PARM1: variants seen among roughly 807,000 people sequenced by gnomAD.
The protein encoded by PARM1 is prostate androgen-regulated mucin-like protein 1, also known as WSC4, cell wall integrity and stress response component 4 homolog.
PARM1 carries 14 observed loss-of-function variants against 24.6 expected under a neutral mutation model. The ratio of observed to expected loss-of-function variants is 0.57; its 90% confidence interval spans 0.38 to 0.89. The LOEUF is 0.89. Ranked by LOEUF, PARM1 falls within the 40% of genes least tolerant of loss-of-function variation. PARM1 has a pLI of 0.00. For synonymous variants in PARM1, 179 were observed against 156.6 expected (o/e 1.14, Z -1.07); for missense variants, 362 against 380.4 (o/e 0.95, Z 0.40).
chr4:74,996,502 G>T (rs1280692195), intron 1 of PARM1, among the ~76,000 whole-genome samples: 1 of 152,176 alleles, frequency 6.6e-6, no homozygotes, highest in African/African-American at 2.4e-5. Context: ...AGTGGGCAGT[G>T]GGGAGTTGCT....
chr4:74,935,046 G>A (rs1244995057), intron 1 of PARM1, among the ~76,000 whole-genome samples: 2 of 120,428 alleles, frequency 1.7e-5, no homozygotes, highest in East Asian at 5.5e-4. Flanking sequence ...GTTTAGCTCC[G>A]CTATTCCGGG....
chr4:74,955,232 GAAAA>G (rs957577775), intron 1 of PARM1, among the ~76,000 whole-genome samples: 2 of 140,176 alleles, frequency 1.4e-5, no homozygotes, highest in African/African-American at 5.1e-5. Flanking sequence ...TTTGAAAAAT[GAAAA>G]AAAAAAAACT....
chr4:74,969,986 A>T lies in PARM1; in HGVS notation c.43+36616A>T, dbSNP rs1721992935. 2.0e-5 allele frequency: 3 copies of T among 152,210 alleles called. No homozygotes were observed. In the South Asian group the frequency reaches 6.2e-4, roughly 32 times the overall value. The allele number at this position is 152,210 out of a possible 1,614,324, so 9.4% of individuals were successfully genotyped here. ...GGATGCAACCTTTTGTTATTGTCTA[A>T]GTCACTGGCAGATTTAAAAATCACA... is the stretch of plus-strand genomic sequence containing the variant. On this transcript the variant is annotated intron_variant, in intron 1 of 3. Transcript: ENST00000307428.
chr4:74,979,139 C>T (rs536411130), intron 1 of PARM1, among the ~76,000 whole-genome samples: 2 of 151,282 alleles, frequency 1.3e-5, no homozygotes, highest in Non-Finnish European at 3.0e-5. Flanking sequence ...GAGACGCACA[C>T]ACACACACAA....
chr4:75,036,253 G>A (rs1015501221), intron 3 of PARM1, among the ~76,000 whole-genome samples: 2 of 152,172 alleles, frequency 1.3e-5, no homozygotes, highest in African/African-American at 4.8e-5. Context: ...ATAACTGGAA[G>A]GACTCTTCCT....
chr4:75,048,802 C>T lies in PARM1; in HGVS notation c.*2555C>T, dbSNP rs17000149. ...GCAGATATATTCAGCAAGGTGACAG[C>T]TTCCCATAACAATTCTAACACTTCT... On this transcript the variant is annotated 3_prime_UTR_variant, in exon 4 of 4. Coordinates refer to ENST00000307428, the MANE Select transcript of PARM1 (RefSeq NM_015393.4). 20,894 of 152,632 alleles carry T rather than the reference C, an allele frequency of 0.14. 2,068 individuals carry two copies. Among genetic ancestry groups the T allele is most frequent in the African/African-American group, 0.28 (11,486 of 41,496 alleles). The allele number at this position is 152,632 out of a possible 1,614,324, so 9.5% of individuals were successfully genotyped here. A position where few individuals can be genotyped will look rare whatever the true frequency, so the allele number is the denominator to read the frequency against.
At chr4:74,996,800 AAGG>A (rs1195851992) in intron 1 of PARM1, among the ~76,000 whole-genome samples, 1 of 152,164 alleles carries the variant, frequency 6.6e-6, no homozygotes, top group African/African-American at 2.4e-5. Flanking sequence ...CACACATAGA[AAGG>A]AGAATTAATT....
At chr4:74,964,549 C>G (rs1578030825) in intron 1 of PARM1, among the ~76,000 whole-genome samples, 1 of 130,764 alleles carries the variant, frequency 7.6e-6, no homozygotes, top group African/African-American at 3.6e-5. Context: ...CCACACCTGG[C>G]AAAGCACACA....
Position 75,012,582 on chromosome 4 carries a change from A to C in PARM1, c.201A>C (p.Pro67=). The C allele has an allele frequency of 8.1e-6, 13 of 1,613,986 alleles. No homozygotes were observed. Among genetic ancestry groups the C allele is most frequent in the Non-Finnish European group, 1.1e-5 (13 of 1,179,896 alleles). The change falls in exon 2 of 4, where the codon CCA becomes CCC. Residue 67 remains proline, a synonymous_variant. Coordinates refer to ENST00000307428, the MANE Select transcript of PARM1 (RefSeq NM_015393.4). ...GCACTCACAACAACTCGGTGCTCCC[A>C]GTTACAGCATCAGCCCCAACATCTC... ...SNGTHNNSVL[P]VTASAPTSLL... is the part of the protein sequence containing the mutation.
At chr4:74,997,435 A>C (rs1722596130) in intron 1 of PARM1, among the ~76,000 whole-genome samples, 1 of 152,222 alleles carries the variant, frequency 6.6e-6, no homozygotes, top group African/African-American at 2.4e-5. Flanking sequence ...TTATAGGAGT[A>C]GGATCCTCCT....
chr4:74,978,276 T>C (rs1722175523), intron 1 of PARM1, among the ~76,000 whole-genome samples: 1 of 152,164 alleles, frequency 6.6e-6, no homozygotes, highest in Non-Finnish European at 1.5e-5. Context: ...GAGGAAAATT[T>C]ACCAAGCACA....
chr4:74,938,671 T>C (rs996100999), intron 1 of PARM1, among the ~76,000 whole-genome samples: 2 of 152,196 alleles, frequency 1.3e-5, no homozygotes, highest in East Asian at 3.8e-4. Context: ...TTTCTTTTTT[T>C]AGTTACAGCT....
At position 75,012,425 on chromosome 4, in the gene PARM1, G is replaced by A; in HGVS notation, c.44G>A (p.Gly15Glu). ...TLFALCILTA[G>E]WRVQSLPTSA... is the part of the protein sequence containing the mutation. ...CACTTTTGTACTGGCTTTTCCACAG[G>A]ATGGAGGGTACAGAGTCTGCCTACA... The change falls in exon 2 of 4, where the codon GGA (glycine) becomes GAA (glutamate). Residue 15 changes from glycine to glutamate, a missense_variant and splice_region_variant. Physicochemically the swap from Gly to Glu is moderately conservative, Grantham distance 98. Coordinates refer to ENST00000307428, the MANE Select transcript of PARM1 (RefSeq NM_015393.4). 1 of 1,612,576 alleles carries A rather than the reference G, an allele frequency of 6.2e-7. No homozygotes were observed. The highest frequency in any genetic ancestry group is 8.5e-7 in the Non-Finnish European group (1 of 1,178,798).
chr4:74,984,132 A>G (rs1485840379), intron 1 of PARM1, among the ~76,000 whole-genome samples: 3 of 152,192 alleles, frequency 2.0e-5, no homozygotes, highest in Non-Finnish European at 4.4e-5. Flanking sequence ...AGTGTGACTT[A>G]TCTCCTGTCC....
At position 74,952,719 on chromosome 4, in the gene PARM1, A is replaced by G. The variant is rs1384725096; in HGVS notation, c.43+19349A>G. ...TGTAAGTATTACTGGATATGAGAAC[A>G]TAAGAAGTCAGATGAATCTTTCACT... On this transcript the variant is annotated intron_variant, in intron 1 of 3. Coordinates refer to ENST00000307428, the MANE Select transcript of PARM1 (RefSeq NM_015393.4). Among the ~76,000 whole-genome samples, 4 of 152,356 alleles carry G rather than the reference A, an allele frequency of 2.6e-5. No individual in the cohort carries two copies. In the East Asian group the frequency reaches 5.8e-4, roughly 22 times the overall value.
chr4:74,934,167 C>T (rs1462370614), intron 1 of PARM1, among the ~76,000 whole-genome samples: 3 of 152,114 alleles, frequency 2.0e-5, no homozygotes, highest in Non-Finnish European at 2.9e-5. Context: ...GATGACTGAG[C>T]TCGGCTTGGC....
chr4:75,007,386 G>A (rs1399681680), intron 1 of PARM1, among the ~76,000 whole-genome samples: 2 of 152,102 alleles, frequency 1.3e-5, no homozygotes, highest in Non-Finnish European at 2.9e-5. Flanking sequence ...CCTTTTTGAG[G>A]CTGGGACACA....
At chr4:75,027,521 T>C (rs1364190939) in intron 2 of PARM1, among the ~76,000 whole-genome samples, 1 of 152,048 alleles carries the variant, frequency 6.6e-6, no homozygotes, top group Non-Finnish European at 1.5e-5. Flanking sequence ...AGGTTTTCTT[T>C]TCTCACTTTC....
intron 2 of PARM1, among the ~76,000 whole-genome samples, chr4:75,014,445 C>A (rs1722940306): frequency 6.6e-6 from 1 of 152,210 alleles, no homozygotes; most frequent in Admixed American, 6.5e-5. Flanking sequence ...AATAACAGGG[C>A]TGTTACAGGC....
Sources: allele counts gnomAD v4.1 joint callset (sites outside exome capture counted in the v4.1 genomes callset), GRCh38; gene constraint gnomAD v4.1.1; transcripts MANE v1.5; gene names NCBI Gene and HGNC (gene_info 2026-07-23, HGNC 2026-07-21).